BUB1B: variants seen among roughly 807,000 people sequenced by gnomAD.
The protein encoded by BUB1B is BUB1 mitotic checkpoint serine/threonine kinase B.
A neutral mutation model predicts 137.7 loss-of-function variants in BUB1B; 86 were observed. That is an observed-to-expected ratio of 0.62 (90% CI 0.52 to 0.75). The LOEUF (loss-of-function observed/expected upper bound fraction) is 0.75. Ranked by LOEUF, BUB1B falls within the 30% of genes least tolerant of loss-of-function variation. The pLI, the probability that BUB1B is intolerant of heterozygous loss-of-function variation, is 0.00. For missense variants in BUB1B, 1,130 were observed against 1,236.9 expected (o/e 0.91, Z 1.30); for synonymous variants, 420 against 417.9 (o/e 1.00, Z -0.06).
chr15:40,201,824 G>A (rs887810343), intron 12 of BUB1B, among the ~76,000 whole-genome samples: 1 of 151,614 alleles, frequency 6.6e-6, no homozygotes, highest in Non-Finnish European at 1.5e-5. Context: ...CCACCACCAC[G>A]CCCGGCTAAT....
intron 1 of BUB1B, among the ~76,000 whole-genome samples, chr15:40,163,284 T>C (rs953339351): frequency 2.0e-5 from 3 of 152,028 alleles, no homozygotes; most frequent in Non-Finnish European, 4.4e-5. Context: ...AAAATAAAAA[T>C]CTGTAAAGGC....
At chr15:40,166,076 C>A (rs1318432025) in intron 2 of BUB1B, among the ~76,000 whole-genome samples, 2 of 152,212 alleles carry the variant, frequency 1.3e-5, no homozygotes, top group Non-Finnish European at 2.9e-5. Context: ...TGGTCTTGAA[C>A]TCCTGAGCTC....
intron 4 of BUB1B, chr15:40,173,856 T>A (rs556839478): frequency 1.4e-4 from 50 of 367,172 alleles, no homozygotes; most frequent in African/African-American, 8.3e-4. Flanking sequence ...AACAGATGAA[T>A]TCTTCACACT....
At chr15:40,218,202 G>T (rs1486192923) in intron 21 of BUB1B, among the ~76,000 whole-genome samples, 1 of 152,196 alleles carries the variant, frequency 6.6e-6, no homozygotes, top group Non-Finnish European at 1.5e-5. Context: ...AACTCAGTAG[G>T]TCTACAAATT....
chr15:40,164,314 G>C lies in BUB1B; in HGVS notation c.36-739G>C, dbSNP rs777855651. ...TGTGATCATGGCTCACTGCAGCTTCGACCCCTGAACCCAAGCAATGCTCCC... is the reference window on the plus strand; with the variant it reads ...TGTGATCATGGCTCACTGCAGCTTCCACCCCTGAACCCAAGCAATGCTCCC... On this transcript the variant is annotated intron_variant, in intron 1 of 22. Transcript: ENST00000287598. Among the ~76,000 whole-genome samples, 12 of 148,710 alleles carry C rather than the reference G, an allele frequency of 8.1e-5. 1 individual carries two copies. Among genetic ancestry groups the C allele is most frequent in the South Asian group, 4.2e-4 (2 of 4,802 alleles).
At chr15:40,215,797 G>A (rs180704754) in intron 20 of BUB1B, among the ~76,000 whole-genome samples, 1 of 151,864 alleles carries the variant, frequency 6.6e-6, no homozygotes, top group Non-Finnish European at 1.5e-5. Flanking sequence ...AAGCCAGAAA[G>A]GGCTGGATGC....
chr15:40,217,587 GTTTT>G lies in BUB1B; in HGVS notation c.2772_2775del (p.Phe925ProfsTer26). The G allele has an allele frequency of 6.2e-7, 1 of 1,614,128 alleles. No individual in the cohort carries two copies. Among genetic ancestry groups the G allele is most frequent in the Non-Finnish European group, 8.5e-7 (1 of 1,180,006 alleles). ...TGTTGACCTTAGGGTGCAGCTGGAT[GTTTT>G]TACCCTCAGCGGCTTTCGGACTGTA... On this transcript the variant is annotated frameshift_variant, in exon 21 of 23. Coordinates refer to ENST00000287598, the MANE Select transcript of BUB1B (RefSeq NM_001211.6). LOFTEE classifies it high-confidence loss of function.
Position 40,176,671 on chromosome 15 carries a change from C to T in BUB1B, c.579C>T (p.His193=). The part of the protein sequence containing the change: ...AEPLERLQSQ[H]RQFQARVSRQ... The stretch of plus-strand genomic sequence containing the variant: ...CACTAGAAAGACTACAGTCCCAGCA[C>T]CGGTAAACTTTCTTTGGAGCTTGTC... The change falls in exon 5 of 23, where the codon CAC becomes CAT. Residue 193 remains histidine (H), a splice_region_variant and synonymous_variant. Transcript: ENST00000287598. 1 of 1,613,878 alleles carries T rather than the reference C, an allele frequency of 6.2e-7. No homozygotes were observed. The highest frequency in any genetic ancestry group is 8.5e-7 in the Non-Finnish European group (1 of 1,179,818).
At chr15:40,182,978 T>G (rs903394583) in intron 5 of BUB1B, among the ~76,000 whole-genome samples, 1 of 152,198 alleles carries the variant, frequency 6.6e-6, no homozygotes, top group African/African-American at 2.4e-5. Flanking sequence ...ATATGGTCTA[T>G]AGTTTTTAAT....
chr15:40,217,439 A>T, intron 20 of BUB1B, 57 bp from the exon 21 acceptor site: 9 of 1,417,076 alleles, frequency 6.4e-6, no homozygotes, highest in East Asian at 2.3e-5. Flanking sequence ...AAGACCAGCT[A>T]TGCAGCTTCT....
At chr15:40,179,988 A>C (rs189754385) in intron 5 of BUB1B, among the ~76,000 whole-genome samples, 2,798 of 142,548 alleles carry the variant, frequency 0.02, 89 homozygotes, top group African/African-American at 0.058. Context: ...ATATATATAT[A>C]TCTCTTAAAT....
At chr15:40,205,162 G>T (rs2037622532) in intron 14 of BUB1B, among the ~76,000 whole-genome samples, 1 of 151,982 alleles carries the variant, frequency 6.6e-6, no homozygotes, top group African/African-American at 2.4e-5. Context: ...GGCCAGGCTG[G>T]TCTCGAGCGC....
At chr15:40,176,939 C>T (rs368746703) in intron 5 of BUB1B, among the ~76,000 whole-genome samples, 13 of 152,048 alleles carry the variant, frequency 8.5e-5, no homozygotes, top group African/African-American at 2.7e-4. Flanking sequence ...AAAGAATTCC[C>T]TTTGTAATTA....
rs927579272 is a variant in BUB1B, at chr15:40,170,664, A to G, written c.367A>G (p.Asn123Asp). 6.2e-7 allele frequency: 1 copy of G among 1,613,744 alleles called. No individual in the cohort carries two copies. Among genetic ancestry groups the G allele is most frequent in the Admixed American group, 1.7e-5 (1 of 60,012 alleles). ...ATATTATAGTGATCCTCGATTTCTC[A>G]ATCTCTGGCTTAAATTAGTAAGTCT... ...KRYYSDPRFL[N>D]LWLKLGRLCN... The change falls in exon 4 of 23, where the codon AAT becomes GAT. Residue 123 changes from asparagine to aspartate, a missense_variant. Physicochemically the swap from Asn to Asp is conservative, Grantham distance 23 (BLOSUM62 1). Coordinates refer to ENST00000287598, the MANE Select transcript of BUB1B (RefSeq NM_001211.6).
At chr15:40,195,786 A>G (rs1287044754) in intron 8 of BUB1B, among the ~76,000 whole-genome samples, 1 of 152,076 alleles carries the variant, frequency 6.6e-6, no homozygotes, top group African/African-American at 2.4e-5. Flanking sequence ...ATCTTTTGAA[A>G]ATTGTCTATT....
intron 8 of BUB1B, among the ~76,000 whole-genome samples, chr15:40,195,810 C>T (rs933425098): frequency 1.3e-5 from 2 of 152,088 alleles, no homozygotes; most frequent in African/African-American, 4.8e-5. Context: ...GTCCTTAGCC[C>T]ACTTTTTGAT....
Position 40,202,705 on chromosome 15 carries a change from G to C in BUB1B, c.1734+11G>C. 6.3e-7 allele frequency: 1 copy of C among 1,594,282 alleles called. No individual in the cohort carries two copies. Among genetic ancestry groups the C allele is most frequent in the South Asian group, 1.1e-5 (1 of 90,652 alleles). On this transcript the variant is annotated intron_variant, in intron 14 of 22. Transcript: ENST00000287598. The stretch of plus-strand genomic sequence containing the variant: ...TCTCCAGATGTTTGTGTAAGGAGCA[G>C]TATCCTTAAGTTAATGTAAATGGGC...
chr15:40,183,633 GTTTAC>G, intron 5 of BUB1B, 76 bp from the exon 6 acceptor site: 2 of 1,331,456 alleles, frequency 1.5e-6, no homozygotes, highest in Non-Finnish European at 1.1e-6. Context: ...CTTCTAATTT[GTTTAC>G]TTTAACAAAT....
chr15:40,165,254 C>T (rs915141356), intron 2 of BUB1B, 58 bp downstream of exon 2: 9 of 1,609,982 alleles, frequency 5.6e-6, no homozygotes, highest in East Asian at 2.2e-5. Flanking sequence ...TTGTAGATAA[C>T]GTGGGTGTGG....
Sources: gnomAD v4.1 joint callset for allele counts (sites outside exome capture counted in the v4.1 genomes callset) on GRCh38, gnomAD v4.1.1 for gene constraint, MANE v1.5 for transcripts, NCBI Gene and HGNC (gene_info 2026-07-23, HGNC 2026-07-21) for gene names.